Variants in MKLN1 observed in about 807,000 individuals in gnomAD.
The protein encoded by MKLN1 is muskelin.
MKLN1 carries 18 observed loss-of-function variants against 99.0 expected under a neutral mutation model. The ratio of observed to expected loss-of-function variants is 0.18; its 90% CI spans 0.13 to 0.27. The LOEUF (loss-of-function observed/expected upper bound fraction) is 0.27, where lower values mean the gene tolerates loss of function less well. Among genes scored for constraint, MKLN1 ranks in the 10% least tolerant of loss-of-function variants. The probability of loss-of-function intolerance (pLI) is 1.00; values close to 1 mark genes in which losing one functional copy is unlikely to be tolerated. For synonymous variants in MKLN1, 288 were observed against 293.2 expected, an observed-to-expected ratio of 0.98 and a Z score of 0.18; for missense variants, 621 against 875.9, an observed-to-expected ratio of 0.71 and a Z score of 3.67.
At chr7:131,207,221 G>T (rs924612047) in intron 3 of MKLN1, among the ~76,000 whole-genome samples, 2 of 151,892 alleles carry the variant, frequency 1.3e-5, no homozygotes, top group Non-Finnish European at 2.9e-5. Flanking sequence ...ATTTATTTTT[G>T]AGACAGAGTC....
At chr7:131,359,973 T>C (rs970468492) in intron 1 of MKLN1, among the ~76,000 whole-genome samples, 1 of 152,112 alleles carries the variant, frequency 6.6e-6, no homozygotes, top group Non-Finnish European at 1.5e-5. Flanking sequence ...GGTCTTGAAC[T>C]CCTGACTTCA....
rs545977652 is a variant in MKLN1 at position 131,252,414 on chromosome 7, C to T, written c.-179+49440C>T. ...CATGATCTCGGCTCACTGCAACCTC[C>T]GCTTCCTGGGTTCATGTGATTCTTC... On this transcript the variant is annotated intron_variant, in intron 3 of 7. Coordinates refer to the MKLN1 transcript ENST00000416992. 7.3e-5 allele frequency among the ~76,000 whole-genome samples: 11 copies of T among 150,354 alleles called. No individual in the cohort carries two copies. The East Asian group carries it at 1.8e-3, about 24-fold the overall frequency.
chr7:131,275,470 G>T (rs1416502732), intron 3 of MKLN1, among the ~76,000 whole-genome samples: 2 of 129,654 alleles, frequency 1.5e-5, no homozygotes. Flanking sequence ...CCGGGTTCAG[G>T]TGATTCTCCT....
chr7:131,179,555 A>ATATTAT (rs1796348983), intron 2 of MKLN1, among the ~76,000 whole-genome samples: 3 of 99,050 alleles, frequency 3.0e-5, no homozygotes, highest in African/African-American at 1.1e-4. Flanking sequence ...TTTAAAAGAG[A>ATATTAT]CATTATTATT....
intron 8 of MKLN1, among the ~76,000 whole-genome samples, chr7:131,420,350 G>A (rs1203570038): frequency 2.6e-5 from 4 of 152,158 alleles, no homozygotes; most frequent in African/African-American, 7.2e-5. Flanking sequence ...GTATCATATA[G>A]AGCTGACAGG....
intron 3 of MKLN1, among the ~76,000 whole-genome samples, chr7:131,311,461 C>G (rs1310938116): frequency 6.6e-6 from 1 of 152,134 alleles, no homozygotes; most frequent in African/African-American, 2.4e-5. Context: ...AAAACACATT[C>G]ATCCTAATAT....
At chr7:131,119,595 G>T (rs1795330106) in intron 1 of MKLN1, among the ~76,000 whole-genome samples, 1 of 152,190 alleles carries the variant, frequency 6.6e-6, no homozygotes, top group South Asian at 2.1e-4. Context: ...TATTTCCACA[G>T]CAGACTTCTG....
At chr7:131,192,177 TAAAA>T (rs199745919) in intron 2 of MKLN1, among the ~76,000 whole-genome samples, 1 of 82,284 alleles carries the variant, frequency 1.2e-5, no homozygotes, top group African/African-American at 6.5e-5. Flanking sequence ...GTATAATATA[TAAAA>T]ATATATAAAA....
At chr7:131,157,044 C>A (rs1252639227) in intron 2 of MKLN1, among the ~76,000 whole-genome samples, 1 of 152,030 alleles carries the variant, frequency 6.6e-6, no homozygotes, top group Non-Finnish European at 1.5e-5. Flanking sequence ...TTGTCTAACT[C>A]CCCCCAGCTG....
upstream of MKLN1, among the ~76,000 whole-genome samples, chr7:131,326,304 T>C (rs1584604856): frequency 6.6e-6 from 1 of 152,210 alleles, no homozygotes; most frequent in African/African-American, 2.4e-5. Flanking sequence ...TTTTCCAACC[T>C]GCTGCAACAC....
intron 12 of MKLN1, among the ~76,000 whole-genome samples, chr7:131,456,706 C>T (rs1222354996): frequency 2.6e-5 from 4 of 152,072 alleles, no homozygotes; most frequent in Admixed American, 2.6e-4. Flanking sequence ...TTTAAAGGTA[C>T]AAAACTGTTG....
At chr7:131,314,461 C>T (rs1447334887) in intron 3 of MKLN1, among the ~76,000 whole-genome samples, 4 of 152,260 alleles carry the variant, frequency 2.6e-5, no homozygotes, top group African/African-American at 4.8e-5. Context: ...CTCGCTCTGT[C>T]ACCCAGGCTG....
At chr7:131,166,350 G>A (rs966471788) in intron 2 of MKLN1, among the ~76,000 whole-genome samples, 1 of 152,126 alleles carries the variant, frequency 6.6e-6, no homozygotes, top group Non-Finnish European at 1.5e-5. Flanking sequence ...GAACACACTG[G>A]CTAACGTAAT....
At chr7:131,467,927 T>G (rs1194921401) in intron 15 of MKLN1, among the ~76,000 whole-genome samples, 3 of 152,162 alleles carry the variant, frequency 2.0e-5, no homozygotes, top group African/African-American at 7.2e-5. Context: ...CTGTGAGAGA[T>G]GCAGGCGGAG....
intron 1 of MKLN1, among the ~76,000 whole-genome samples, chr7:131,371,668 A>G (rs553711760): frequency 6.6e-6 from 1 of 151,980 alleles, no homozygotes; most frequent in Admixed American, 6.6e-5. Context: ...TCTCTTCCTC[A>G]TGTTATTGAG....
At chr7:131,191,304 T>C (rs528856299) in intron 2 of MKLN1, among the ~76,000 whole-genome samples, 1 of 152,196 alleles carries the variant, frequency 6.6e-6, no homozygotes, top group Non-Finnish European at 1.5e-5. Context: ...CAGATTCAAG[T>C]TGGGGGCTTC....
At chr7:131,272,583 A>G (rs1303908830) in intron 3 of MKLN1, among the ~76,000 whole-genome samples, 2 of 152,188 alleles carry the variant, frequency 1.3e-5, no homozygotes, top group East Asian at 1.9e-4. Flanking sequence ...GTAGCAGTGT[A>G]TTAGTCCATT....
At chr7:131,328,580 A>G (rs1389279098) in intron 1 of MKLN1, among the ~76,000 whole-genome samples, 1 of 152,234 alleles carries the variant, frequency 6.6e-6, no homozygotes, top group Non-Finnish European at 1.5e-5. Context: ...TAGGATTGGC[A>G]GACGTTGTCT....
At chr7:131,384,073 C>G (rs1793933329) in intron 2 of MKLN1, among the ~76,000 whole-genome samples, 1 of 152,122 alleles carries the variant, frequency 6.6e-6, no homozygotes, top group Non-Finnish European at 1.5e-5. Flanking sequence ...TCTTCATTTT[C>G]AACACATACC....
Sources: gnomAD v4.1 joint callset for allele counts (sites outside exome capture counted in the v4.1 genomes callset) on GRCh38, gnomAD v4.1.1 for gene constraint, MANE v1.5 for transcripts, NCBI Gene and HGNC (gene_info 2026-07-23, HGNC 2026-07-21) for gene names.